The following KHDRBS2 variants were observed in gnomAD, a reference collection of about 807,000 sequenced individuals.
KHDRBS2 encodes the protein KH domain-containing, RNA-binding, signal transduction-associated protein 2.
In KHDRBS2, 26 loss-of-function variants were observed where a neutral mutation model predicts 44.3. The ratio of observed to expected loss-of-function variants is 0.59; its 90% CI spans 0.43 to 0.81. The LOEUF is 0.81. KHDRBS2 is among the 40% of genes least tolerant of loss of function. KHDRBS2 has a pLI of 0.00. For missense variants in KHDRBS2, 476 were observed against 433.1 expected, an observed-to-expected ratio of 1.10 and a Z score of -0.88; for synonymous variants, 194 against 151.1, an observed-to-expected ratio of 1.28 and a Z score of -2.08.
At chr6:61,714,422 T>C (rs1323589575) in intron 7 of KHDRBS2, among the ~76,000 whole-genome samples, 3 of 151,804 alleles carry the variant, frequency 2.0e-5, no homozygotes, top group African/African-American at 7.2e-5. Flanking sequence ...GAAAAGGAAA[T>C]GTTTATAAAT....
At chr6:61,828,741 T>C (rs935154079) in intron 6 of KHDRBS2, among the ~76,000 whole-genome samples, 1 of 152,204 alleles carries the variant, frequency 6.6e-6, no homozygotes, top group Non-Finnish European at 1.5e-5. Context: ...ACTAAACATT[T>C]GTCACAAGAT....
intron 7 of KHDRBS2, among the ~76,000 whole-genome samples, chr6:61,719,819 G>A (rs1404593302): frequency 1.3e-5 from 2 of 151,782 alleles, no homozygotes; most frequent in Admixed American, 6.6e-5. Context: ...GGGTACATGT[G>A]CATAATGTGC....
chr6:62,005,420 A>G (rs1203224606), intron 3 of KHDRBS2, among the ~76,000 whole-genome samples: 1 of 152,008 alleles, frequency 6.6e-6, no homozygotes, highest in Non-Finnish European at 1.5e-5. Flanking sequence ...TACTATAAGA[A>G]AATAAAATCA....
intron 6 of KHDRBS2, among the ~76,000 whole-genome samples, chr6:61,845,696 G>A (rs1319389008): frequency 2.0e-5 from 3 of 152,324 alleles, no homozygotes; most frequent in African/African-American, 7.2e-5. Context: ...ACTACTACTG[G>A]TTGGTTAGGT....
Position 61,901,336 on chromosome 6 carries a change from A to G in KHDRBS2, c.519T>C (p.Arg173=). 1 of 1,613,288 alleles carries G rather than the reference A, an allele frequency of 6.2e-7. No individual in the cohort carries two copies. The highest frequency in any genetic ancestry group is 8.5e-7 in the Non-Finnish European group (1 of 1,179,460). The part of the protein sequence containing the change: ...YNDEIRQEQL[R]ELSYLNGSED... Reference sequence around the variant, plus strand: ...CTGAGCCATTTAAGTAAGATAATTCACGTAGTTGTTCCTGACGAATTTCAT... The same window carrying G: ...CTGAGCCATTTAAGTAAGATAATTCGCGTAGTTGTTCCTGACGAATTTCAT... The change falls in exon 5 of 9, where the codon CGT becomes CGC. Residue 173 remains arginine, a synonymous_variant. Transcript: ENST00000281156.
chr6:61,773,449 A>C (rs1781352738), intron 6 of KHDRBS2, among the ~76,000 whole-genome samples: 1 of 152,092 alleles, frequency 6.6e-6, no homozygotes, highest in Non-Finnish European at 1.5e-5. Context: ...TCTTTTGAGA[A>C]GTGTCTGTTC....
At chr6:62,145,588 TC>T (rs1382829536) in intron 2 of KHDRBS2, among the ~76,000 whole-genome samples, 4 of 151,878 alleles carry the variant, frequency 2.6e-5, no homozygotes, top group Non-Finnish European at 5.9e-5. Flanking sequence ...TAGGTTTACT[TC>T]CAAGTGTTTA....
chr6:62,096,124 T>A (rs961280524), intron 2 of KHDRBS2, among the ~76,000 whole-genome samples: 1 of 151,948 alleles, frequency 6.6e-6, no homozygotes, highest in Non-Finnish European at 1.5e-5. Flanking sequence ...TTTGCTAGTA[T>A]TTTGGTGGGG....
At chr6:62,261,481 G>A (rs1399862010) in intron 1 of KHDRBS2, among the ~76,000 whole-genome samples, 1 of 151,820 alleles carries the variant, frequency 6.6e-6, no homozygotes, top group East Asian at 1.9e-4. Flanking sequence ...ATTATATAAA[G>A]TGTCCTATGA....
intron 7 of KHDRBS2, among the ~76,000 whole-genome samples, chr6:61,720,337 C>G (rs1236195111): frequency 6.6e-6 from 1 of 151,984 alleles, no homozygotes; most frequent in Non-Finnish European, 1.5e-5. Context: ...GTTCTAGATC[C>G]CTGAGGAATT....
intron 3 of KHDRBS2, among the ~76,000 whole-genome samples, chr6:62,000,619 G>A (rs993822401): frequency 4.6e-5 from 7 of 152,116 alleles, no homozygotes; most frequent in Admixed American, 1.3e-4. Flanking sequence ...TCCAGTAAAA[G>A]GGTGTAGGGA....
At chr6:62,103,948 A>G (rs1284040143) in intron 2 of KHDRBS2, among the ~76,000 whole-genome samples, 4 of 152,220 alleles carry the variant, frequency 2.6e-5, no homozygotes, top group Admixed American at 6.5e-5. Context: ...GATCTTTACT[A>G]TAAGAAACAT....
the KHDRBS2 span, among the ~76,000 whole-genome samples, chr6:61,619,126 T>G: frequency 2.0e-5 from 3 of 152,186 alleles, no homozygotes; most frequent in South Asian, 6.2e-4. Context: ...TTAAAAATTT[T>G]TTTTCAATAG....
intron 4 of KHDRBS2, among the ~76,000 whole-genome samples, chr6:61,968,218 A>G (rs1372424566): frequency 6.6e-6 from 1 of 151,906 alleles, no homozygotes; most frequent in East Asian, 1.9e-4. Flanking sequence ...ACATTGCACT[A>G]TTAACCATTC....
chr6:61,599,185 C>T, the KHDRBS2 span, among the ~76,000 whole-genome samples: 10 of 152,028 alleles, frequency 6.6e-5, no homozygotes, highest in South Asian at 2.1e-4. Flanking sequence ...TCACCTGCCT[C>T]GGCCTCCCAA....
chr6:61,721,113 G>A (rs778911385), intron 7 of KHDRBS2, among the ~76,000 whole-genome samples: 7 of 151,766 alleles, frequency 4.6e-5, no homozygotes, highest in African/African-American at 1.2e-4. Context: ...ATTTCTGAGG[G>A]CTCTGTTCTG....
chr6:62,084,108 T>C (rs538910254), intron 2 of KHDRBS2, among the ~76,000 whole-genome samples: 1 of 152,282 alleles, frequency 6.6e-6, no homozygotes, highest in African/African-American at 2.4e-5. Flanking sequence ...TCCTGTGAGG[T>C]ATAATCCCTA....
At chr6:61,812,308 C>G (rs969046721) in intron 6 of KHDRBS2, among the ~76,000 whole-genome samples, 1 of 151,910 alleles carries the variant, frequency 6.6e-6, no homozygotes, top group Non-Finnish European at 1.5e-5. Flanking sequence ...GTGTACTATA[C>G]CTCTTTAACT....
chr6:61,763,697 G>A (rs556823918), intron 6 of KHDRBS2, among the ~76,000 whole-genome samples: 1 of 152,224 alleles, frequency 6.6e-6, no homozygotes, highest in African/African-American at 2.4e-5. Context: ...AATTAGAGGT[G>A]ACACCTTGCC....
Sources: gnomAD v4.1 joint callset for allele counts (sites outside exome capture counted in the v4.1 genomes callset) on GRCh38, gnomAD v4.1.1 for gene constraint, MANE v1.5 for transcripts, NCBI Gene and HGNC (gene_info 2026-07-23, HGNC 2026-07-21) for gene names.